STK11IP: variants seen among roughly 807,000 people sequenced by gnomAD.
STK11IP encodes the protein serine/threonine kinase 11 interacting protein.
A neutral mutation model predicts 131.7 loss-of-function variants in STK11IP; 103 were observed. The observed-to-expected ratio is 0.78, with a 90% CI of 0.67 to 0.92. STK11IP has a LOEUF of 0.92. STK11IP is among the 40% of genes least tolerant of loss of function. STK11IP has a pLI of 0.00. For synonymous variants in STK11IP, 557 were observed against 575.6 expected, an observed-to-expected ratio of 0.97 and a Z score of 0.46; for missense variants, 1,315 against 1,385.7, an observed-to-expected ratio of 0.95 and a Z score of 0.81.
chr2:219,601,928 G>T, intron 4 of STK11IP, 60 bp from the exon 5 acceptor site: 1 of 1,453,436 alleles, frequency 6.9e-7, no homozygotes, highest in East Asian at 2.4e-5. Flanking sequence ...TAGGGGATGG[G>T]GATGAGGTCT....
chr2:219,612,945 G>A, intron 19 of STK11IP, 183 bp from the exon 20 acceptor site: 1 of 580,496 alleles, frequency 1.7e-6, no homozygotes, highest in Non-Finnish European at 3.1e-6. Context: ...GCGGGCAGGG[G>A]CTGCAAGGCA....
At chr2:219,611,572 G>T (rs1698396144) in intron 17 of STK11IP, 32 bp from the exon 18 acceptor site, 2 of 1,552,886 alleles carry the variant, frequency 1.3e-6, no homozygotes, top group Non-Finnish European at 1.8e-6. Flanking sequence ...TGTGGGGGGG[G>T]CTCATGGGGA....
intron 7 of STK11IP, among the ~76,000 whole-genome samples, chr2:219,603,041 T>C (rs1698041998): frequency 1.4e-5 from 2 of 146,264 alleles, no homozygotes; most frequent in Admixed American, 1.4e-4. Context: ...ACCTGGTTTT[T>C]TTTTTTTTTT....
Position 219,602,773 on chromosome 2 carries a change from G to A in STK11IP, c.615G>A (p.Leu205=), listed in dbSNP as rs938297713. 5 of 1,610,914 alleles carry A rather than the reference G, an allele frequency of 3.1e-6. No homozygotes were observed. Among genetic ancestry groups the A allele is most frequent in the Non-Finnish European group, 4.2e-6 (5 of 1,178,606 alleles). ...AAGTCCAGGACTGTCAGGGATTCCT[G>A]ATGGTGAGTATGGGCAGTTTGGCAG... ...HNQVQDCQGF[L]MDLCELHHLD... is the part of the protein sequence containing the mutation. Residue 205 remains leucine (L), a synonymous_variant, in exon 7 of 25, where the codon CTG becomes CTA. Coordinates refer to ENST00000456909, the MANE Select transcript of STK11IP (RefSeq NM_052902.4).
At chr2:219,603,188 C>T (rs1424390240) in intron 7 of STK11IP, among the ~76,000 whole-genome samples, 2 of 151,882 alleles carry the variant, frequency 1.3e-5, no homozygotes, top group Admixed American at 1.3e-4. Context: ...ATTACAGGCA[C>T]GTGTCAACAC....
chr2:219,615,324 C>T lies in STK11IP; in HGVS notation c.3100C>T (p.Leu1034=), dbSNP rs752961430. ...LYRSAPEDLR[L]LFYDEVSRLE... is the part of the protein sequence containing the mutation. ...CCGCTCAGCCCCTGAGGACTTGCGG[C>T]TGCTCTTCTACGATGAGGTGTGTAT... Residue 1034 remains leucine (L), a synonymous_variant, in exon 24 of 25, where the codon CTG becomes TTG. Transcript: ENST00000456909. 65 of 1,601,534 alleles carry T rather than the reference C, an allele frequency of 4.1e-5. No individual in the cohort carries two copies. In the South Asian group the frequency reaches 4.8e-4, roughly 12 times the overall value.
rs749829000 is a variant in STK11IP at position 219,608,381 on chromosome 2, G to A, written c.1554G>A (p.Glu518=). 1.3e-6 allele frequency: 2 copies of A among 1,579,474 alleles called. No homozygotes were observed. The highest frequency in any genetic ancestry group is 1.9e-5 in the Admixed American group (1 of 53,412). ...EEGEMVEQGE[E]EAGEEEEEEQ... is the part of the protein sequence containing the mutation. ...GGGAGATGGTGGAACAGGGAGAAGAGGAGGCAGGAGAGGAGGAAGAAGAGG... is the reference window on the plus strand; with the variant it reads ...GGGAGATGGTGGAACAGGGAGAAGAAGAGGCAGGAGAGGAGGAAGAAGAGG... The change falls in exon 14 of 25, where the codon GAG becomes GAA. Residue 518 remains glutamate (E), a synonymous_variant. Coordinates refer to ENST00000456909, the MANE Select transcript of STK11IP (RefSeq NM_052902.4).
At chr2:219,615,977 A>T (rs916870264) in intron 24 of STK11IP, 67 bp from the exon 25 acceptor site, 21 of 1,573,392 alleles carry the variant, frequency 1.3e-5, no homozygotes, top group Non-Finnish European at 1.8e-5. Flanking sequence ...CTTCGCAGAG[A>T]CCTCCCTTGT....
In STK11IP at chr2:219,607,195, T is replaced by A. The variant is rs1003888734; in HGVS notation, c.1219+58T>A. 6 of 1,515,184 alleles carry A rather than the reference T, an allele frequency of 4.0e-6. No homozygotes were observed. In the African/African-American group the frequency reaches 8.2e-5, roughly 21 times the overall value. The allele number at this position is 1,515,184 out of a possible 1,614,324, so 93.9% of individuals were successfully genotyped here. Reference sequence around the variant, plus strand: ...TCCCCAGCGAGCTCACTCTAATTTTTAAGTTACAGTGAAGATCTGCTGGAA... The same window carrying A: ...TCCCCAGCGAGCTCACTCTAATTTTAAAGTTACAGTGAAGATCTGCTGGAA... On this transcript the variant is annotated intron_variant, in intron 13 of 24. Transcript: ENST00000456909.
chr2:219,611,789 C>A lies in STK11IP; in HGVS notation c.2290C>A (p.Gln764Lys), dbSNP rs751205760. ...HLDRAKNSPP[Q>K]APSTRDHGSW... is the part of the protein sequence containing the mutation. ...TGACAGGGCCAAGAACAGCCCACCT[C>A]AGGCACCGAGCACCCGTGACCATGG... The change falls in exon 18 of 25, where the codon CAG (glutamine) becomes AAG (lysine). Residue 764 changes from glutamine (Q) to lysine (K), a missense_variant. Gln to Lys is a moderately conservative substitution (Grantham distance 53). Coordinates refer to ENST00000456909, the MANE Select transcript of STK11IP (RefSeq NM_052902.4). 6.2e-7 allele frequency: 1 copy of A among 1,613,048 alleles called. No individual in the cohort carries two copies.
chr2:219,606,046 C>T lies in STK11IP; in HGVS notation c.836C>T (p.Ala279Val), dbSNP rs1698141885. The T allele has an allele frequency of 6.2e-7, 1 of 1,602,924 alleles. No homozygotes were observed. Among genetic ancestry groups the T allele is most frequent in the Non-Finnish European group, 8.5e-7 (1 of 1,174,966 alleles). ...HRELSPLWLLAELRKLYLEGN... is the reference protein window; with the variant it reads ...HRELSPLWLLVELRKLYLEGN... ...GAGCTGTCACCACTGTGGCTGCTGG[C>T]TGAGCTCCGCAAGGTGAGATGGGAA... is the stretch of plus-strand genomic sequence containing the variant. Residue 279 changes from alanine (A) to valine (V), a missense_variant, in exon 9 of 25, where the codon GCT (alanine) becomes GTT (valine). Ala to Val is a moderately conservative substitution (Grantham distance 64). Transcript: ENST00000456909.
chr2:219,614,199 G>A lies in STK11IP; in HGVS notation c.2755G>A (p.Val919Ile), dbSNP rs376576918. 9.3e-6 allele frequency: 15 copies of A among 1,613,364 alleles called. No individual in the cohort carries two copies. Among genetic ancestry groups the A allele is most frequent in the Non-Finnish European group, 1.3e-5 (15 of 1,179,772 alleles). ...TCTGCCCCCTGCCTGGAGGAACTGT[G>A]TCAGTGCCACAGAGGAGGAGGTCAC... ...QSLPPAWRNCVSATEEEVTPQ... is the reference protein window; with the variant it reads ...QSLPPAWRNCISATEEEVTPQ... Residue 919 changes from valine (V) to isoleucine (I), a missense_variant, in exon 22 of 25, where the codon GTC becomes ATC. Physicochemically the swap from Val to Ile is conservative, Grantham distance 29 (BLOSUM62 3). Transcript: ENST00000456909.
Position 219,615,117 on chromosome 2 carries a change from C to T in STK11IP, c.2893C>T (p.Leu965=), listed in dbSNP as rs747638713. ...VEGPSTCLVS[L]LLTPSTLFLL... is the part of the protein sequence containing the mutation. ...AGGCCCTTCCACCTGCCTCGTATCC[C>T]TGTTGCTGACTCCGTCCACCCTGTT... The change falls in exon 24 of 25, where the codon CTG becomes TTG. Residue 965 remains leucine (L), a synonymous_variant. Coordinates refer to ENST00000456909, the MANE Select transcript of STK11IP (RefSeq NM_052902.4). 9.3e-6 allele frequency: 15 copies of T among 1,609,628 alleles called. No individual in the cohort carries two copies. The Admixed American group carries it at 2.0e-4, about 22-fold the overall frequency.
chr2:219,615,441 C>T (rs1574635012), intron 24 of STK11IP, 100 bp downstream of exon 24: 1 of 1,458,174 alleles, frequency 6.9e-7, no homozygotes, highest in East Asian at 2.3e-5. Flanking sequence ...GAACCCTGGG[C>T]ATTGGTGGCA....
chr2:219,607,071 C>T lies in STK11IP; in HGVS notation c.1153C>T (p.Arg385Trp), dbSNP rs201945229. 315 of 1,613,800 alleles carry T rather than the reference C, an allele frequency of 2.0e-4. No individual in the cohort carries two copies. Among genetic ancestry groups the T allele is most frequent in the East Asian group, 1.1e-3 (51 of 44,878 alleles). Residue 385 changes from arginine (R) to tryptophan (W), a missense_variant, in exon 13 of 25, where the codon CGG (arginine) becomes TGG (tryptophan). By Grantham distance (101) the Arg-to-Trp change is moderately radical. Coordinates refer to ENST00000456909, the MANE Select transcript of STK11IP (RefSeq NM_052902.4). ...HKVKSRVRVR[R>W]ASISEPSDTD... Reference sequence around the variant, plus strand: ...ACCTCAGAGCCGAGTCCGTGTGAGGCGGGCAAGCATCTCTGAACCCAGTGA... The same window carrying T: ...ACCTCAGAGCCGAGTCCGTGTGAGGTGGGCAAGCATCTCTGAACCCAGTGA...
At chr2:219,602,383 A>T in intron 5 of STK11IP, 85 bp from the exon 6 acceptor site, 1 of 1,033,280 alleles carries the variant, frequency 9.7e-7, no homozygotes, top group South Asian at 1.5e-5. Flanking sequence ...ATAAAAAATG[A>T]ATGAGTGACT....
chr2:219,614,221 T>C lies in STK11IP; in HGVS notation c.2777T>C (p.Val926Ala). 1 of 1,613,276 alleles carries C rather than the reference T, an allele frequency of 6.2e-7. No individual in the cohort carries two copies. Among genetic ancestry groups the C allele is most frequent in the East Asian group, 2.2e-5 (1 of 44,878 alleles). ...TGTGTCAGTGCCACAGAGGAGGAGGTCACCCCCCAGCACCGGCTCTGGTGA... is the reference window on the plus strand; with the variant it reads ...TGTGTCAGTGCCACAGAGGAGGAGGCCACCCCCCAGCACCGGCTCTGGTGA... ...RNCVSATEEE[V>A]TPQHRLWPLL... Residue 926 changes from valine to alanine, a missense_variant, in exon 22 of 25, where the codon GTC (valine) becomes GCC (alanine). Coordinates refer to ENST00000456909, the MANE Select transcript of STK11IP (RefSeq NM_052902.4).
intron 7 of STK11IP, among the ~76,000 whole-genome samples, chr2:219,604,978 TGC>T (rs1000737058): frequency 6.6e-6 from 1 of 152,160 alleles, no homozygotes; most frequent in African/African-American, 2.4e-5. Flanking sequence ...TACAAGTGTG[TGC>T]CACCACGCCC....
At position 219,611,719 on chromosome 2, in the gene STK11IP, G is replaced by A. The variant is rs567009609; in HGVS notation, c.2220G>A (p.Pro740=). ...KQGEQSLAPS[P]SASPVCHPPG... ...GAGAGCAGTCTCTGGCTCCTTCTCC[G>A]TCTGCCAGCCCTGTCTGCCACCCTC... The change falls in exon 18 of 25, where the codon CCG becomes CCA. Residue 740 remains proline, a synonymous_variant. Transcript: ENST00000456909. 64 of 1,613,056 alleles carry A rather than the reference G, an allele frequency of 4.0e-5. No individual in the cohort carries two copies. Among genetic ancestry groups the A allele is most frequent in the African/African-American group, 3.2e-4 (24 of 75,050 alleles).
Sources: allele counts gnomAD v4.1 joint callset (sites outside exome capture counted in the v4.1 genomes callset), GRCh38; gene constraint gnomAD v4.1.1; transcripts MANE v1.5; gene names NCBI Gene and HGNC (gene_info 2026-07-23, HGNC 2026-07-21).